The following PRP4K variants were observed in gnomAD, a reference collection of about 807,000 sequenced individuals.
The protein encoded by PRP4K is pre-mRNA processing factor kinase PRP4K, also known as serine/threonine-protein kinase PRP4 homolog.
At chr6:4,056,953 C>T in the PRP4K span, 1 of 1,341,356 alleles carries the variant, frequency 7.5e-7, no homozygotes, top group East Asian at 2.3e-5. Flanking sequence ...CTAAGGTAGC[C>T]AGCCCCTCAT....
the PRP4K span, among the ~76,000 whole-genome samples, chr6:4,036,024 CAA>C: frequency 9.4e-4 from 13 of 13,824 alleles, no homozygotes; most frequent in Non-Finnish European, 1.8e-3. Flanking sequence ...ATTATGGAGA[CAA>C]ACCTATTTAC....
At chr6:4,036,985 CAAAAAAAA>C in the PRP4K span, among the ~76,000 whole-genome samples, 18 of 113,930 alleles carry the variant, frequency 1.6e-4, no homozygotes, top group Non-Finnish European at 1.6e-4. Context: ...GACCCTGTCT[CAAAAAAAA>C]AAAAAAAAAA....
the PRP4K span, among the ~76,000 whole-genome samples, chr6:4,053,362 G>A: frequency 6.6e-6 from 1 of 152,084 alleles, no homozygotes; most frequent in Non-Finnish European, 1.5e-5. Context: ...AAACTTTCAA[G>A]TTCAGGGGTA....
the PRP4K span, chr6:4,037,705 C>T: frequency 5.1e-5 from 38 of 750,526 alleles, no homozygotes; most frequent in Non-Finnish European, 7.2e-5. Context: ...TTCCTTTTAC[C>T]AGCAATCTCT....
the PRP4K span, chr6:4,040,669 A>C: frequency 8.2e-7 from 1 of 1,226,402 alleles, no homozygotes; most frequent in Non-Finnish European, 1.1e-6. Flanking sequence ...AGCAAAATTG[A>C]GTAGAAAGTA....
the PRP4K span, chr6:4,032,672 A>G: frequency 6.2e-7 from 1 of 1,613,608 alleles, no homozygotes; most frequent in African/African-American, 1.3e-5. Flanking sequence ...CCTCGCGGAC[A>G]CTGTCTCCTG....
At chr6:4,048,144 C>A in the PRP4K span, among the ~76,000 whole-genome samples, 1 of 151,810 alleles carries the variant, frequency 6.6e-6, no homozygotes, top group South Asian at 2.1e-4. Context: ...TTTGGGAGGC[C>A]GAGACGGGTG....
the PRP4K span, among the ~76,000 whole-genome samples, chr6:4,027,568 A>G: frequency 4.2e-5 from 5 of 118,688 alleles, no homozygotes; most frequent in African/African-American, 1.3e-4. Flanking sequence ...TCTAGCATCT[A>G]TACAATAATA....
At chr6:4,021,506 G>T in the PRP4K span, 1 of 1,564,246 alleles carries the variant, frequency 6.4e-7, no homozygotes, top group Non-Finnish European at 8.7e-7. Flanking sequence ...CTGGAGCCCG[G>T]GGACTGCCGA....
At chr6:4,022,820 C>T in the PRP4K span, among the ~76,000 whole-genome samples, 22 of 152,276 alleles carry the variant, frequency 1.4e-4, no homozygotes, top group Admixed American at 1.4e-3. Flanking sequence ...ATGCCAGTAC[C>T]GTGCAGATCT....
chr6:4,021,707 C>T, the PRP4K span, among the ~76,000 whole-genome samples: 5 of 152,204 alleles, frequency 3.3e-5, no homozygotes, highest in East Asian at 3.9e-4. Flanking sequence ...CCCCGGGAGG[C>T]GTAGGCGCGA....
chr6:4,036,529 T>C, the PRP4K span, among the ~76,000 whole-genome samples: 2 of 152,086 alleles, frequency 1.3e-5, no homozygotes, highest in South Asian at 4.1e-4. Flanking sequence ...GCTATTGTTT[T>C]TGTTTTTTTG....
At chr6:4,047,942 A>G in the PRP4K span, among the ~76,000 whole-genome samples, 1 of 149,936 alleles carries the variant, frequency 6.7e-6, no homozygotes, top group African/African-American at 2.5e-5. Context: ...ACACACACAC[A>G]CACAGAGCAA....
At chr6:4,048,791 G>A in the PRP4K span, among the ~76,000 whole-genome samples, 1 of 149,750 alleles carries the variant, frequency 6.7e-6, no homozygotes, top group Non-Finnish European at 1.5e-5. Context: ...TGCCCAGGCT[G>A]GGAGGGGTTT....
chr6:4,058,881 TGGTGAATTAAAAAAAAAACAAAAA>T, the PRP4K span: 1 of 1,267,352 alleles, frequency 7.9e-7, no homozygotes, highest in Non-Finnish European at 1.1e-6. Flanking sequence ...TCATACGAGC[TGGTGAATTAAAAAAAAAACAAAAA>T]CCCAAAAGTA....
At chr6:4,045,024 G>A in the PRP4K span, among the ~76,000 whole-genome samples, 3 of 151,656 alleles carry the variant, frequency 2.0e-5, no homozygotes, top group African/African-American at 7.3e-5. Context: ...CACCACGCCT[G>A]GCTAATTTTT....
At chr6:4,051,047 T>G in the PRP4K span, among the ~76,000 whole-genome samples, 1 of 151,742 alleles carries the variant, frequency 6.6e-6, no homozygotes, top group African/African-American at 2.4e-5. Flanking sequence ...GTAGCTGGGA[T>G]TACAGGCGCC....
chr6:4,027,456 G>GT, the PRP4K span, among the ~76,000 whole-genome samples: 1 of 152,118 alleles, frequency 6.6e-6, no homozygotes, highest in Non-Finnish European at 1.5e-5. Context: ...AAACCAGGTA[G>GT]TTTGACTCCA....
the PRP4K span, among the ~76,000 whole-genome samples, chr6:4,040,344 G>A: frequency 2.0e-5 from 3 of 152,148 alleles, no homozygotes; most frequent in East Asian, 1.9e-4. Context: ...GTTAGAGAAC[G>A]TTTTCATCAC....
Sources: allele counts gnomAD v4.1 joint callset (sites outside exome capture counted in the v4.1 genomes callset), GRCh38; gene constraint gnomAD v4.1.1; transcripts MANE v1.5; gene names NCBI Gene and HGNC (gene_info 2026-07-23, HGNC 2026-07-21).